TMEM119: variants seen among roughly 807,000 people sequenced by gnomAD.
The protein encoded by TMEM119 is transmembrane protein 119, also known as osteoblast induction factor.
For missense variants in TMEM119, 410 were observed against 381.0 expected (o/e 1.08, Z -0.63); for synonymous variants, 182 against 176.4 (o/e 1.03, Z -0.25).
Position 108,591,921 on chromosome 12 carries a change from C to T in TMEM119, c.463G>A (p.Asp155Asn), listed in dbSNP as rs572995428. ...GGPRAFSEVPDRAPDSRPEEA... is the reference protein window; with the variant it reads ...GGPRAFSEVPNRAPDSRPEEA... ...TCGGGCCTGCTGTCGGGGGCTCTGTCGGGGACCTCACTGAAGGCCCGGGGG... is the reference window on the plus strand; with the variant it reads ...TCGGGCCTGCTGTCGGGGGCTCTGTTGGGGACCTCACTGAAGGCCCGGGGG... The change falls in exon 2 of 2, where the codon GAC becomes AAC. Residue 155 changes from aspartate (D) to asparagine (N), a missense_variant. Coordinates refer to ENST00000392806, the MANE Select transcript of TMEM119 (RefSeq NM_181724.3). The surrounding 1 kb of genome is among the most constrained non-coding windows in gnomAD (Gnocchi z 4.2). 8.1e-6 allele frequency: 13 copies of T among 1,613,226 alleles called. No individual in the cohort carries two copies. The highest frequency in any genetic ancestry group is 4.4e-5 in the South Asian group (4 of 91,060).
intron 1 of TMEM119, among the ~76,000 whole-genome samples, chr12:108,593,957 T>C (rs1221653284): frequency 6.6e-6 from 1 of 152,090 alleles, no homozygotes; most frequent in Non-Finnish European, 1.5e-5. Flanking sequence ...AGAAAAGCCT[T>C]AGGATCTCCT....
chr12:108,592,079 C>G lies in TMEM119; in HGVS notation c.305G>C (p.Gly102Ala). ...RQYVMLIAVV[G>A]SLAFLLMFIV... ...GAACATCAGCAGAAAGGCCAGGGAG[C>G]CCACCACAGCAATCAGCATCACGTA... Residue 102 changes from glycine to alanine, a missense_variant, in exon 2 of 2, where the codon GGC (glycine) becomes GCC (alanine). Gly to Ala is a moderately conservative substitution (Grantham distance 60). Coordinates refer to ENST00000392806, the MANE Select transcript of TMEM119 (RefSeq NM_181724.3). The surrounding 1 kb of genome is among the most constrained non-coding windows in gnomAD (Gnocchi z 4.3). 1 of 1,614,148 alleles carries G rather than the reference C, an allele frequency of 6.2e-7. No individual in the cohort carries two copies. The highest frequency in any genetic ancestry group is 8.5e-7 in the Non-Finnish European group (1 of 1,180,008).
At position 108,592,311 on chromosome 12, in the gene TMEM119, C is replaced by G. The variant is rs539667542; in HGVS notation, c.73G>C (p.Ala25Pro). The change falls in exon 2 of 2, where the codon GCC becomes CCC. Residue 25 changes from alanine (A) to proline (P), a missense_variant. Transcript: ENST00000392806. This position sits in a 1 kb window ranked among gnomAD's most constrained non-coding sequence, Gnocchi z 4.3. Reference sequence around the variant, plus strand: ...GTGGCCTTCAGGGGCACAGAGCGGGCGTCGGTAGCAGGCACAGACCCCAGG... The same window carrying G: ...GTGGCCTTCAGGGGCACAGAGCGGGGGTCGGTAGCAGGCACAGACCCCAGG... ...LLLGSVPATD[A>P]RSVPLKATFL... 6.2e-7 allele frequency: 1 copy of G among 1,601,502 alleles called. No homozygotes were observed. Among genetic ancestry groups the G allele is most frequent in the Non-Finnish European group, 8.5e-7 (1 of 1,177,648 alleles).
At chr12:108,595,772 G>A (rs992572937) in intron 1 of TMEM119, among the ~76,000 whole-genome samples, 5 of 152,130 alleles carry the variant, frequency 3.3e-5, no homozygotes, top group African/African-American at 1.2e-4. Flanking sequence ...AATGAGGAAA[G>A]GACCCCCTCA....
In TMEM119 at chr12:108,594,944, G is replaced by A. The variant is rs147569414; in HGVS notation, c.-14-2547C>T. ...AAAAAAGAGACAAAGCTTCTCAGGG[G>A]CTCATTTTAAATGAGCTGGTCACCT... On this transcript the variant is annotated intron_variant, in intron 1 of 1. Coordinates refer to ENST00000392806, the MANE Select transcript of TMEM119 (RefSeq NM_181724.3). Among the ~76,000 whole-genome samples the A allele has an allele frequency of 6.7e-3, 1,013 of 152,150 alleles. 14 individuals carry two copies. Among genetic ancestry groups the A allele is most frequent in the African/African-American group, 0.023 (970 of 41,490 alleles).
chr12:108,591,835 G>C lies in TMEM119; in HGVS notation c.549C>G (p.Leu183=), dbSNP rs371011315. ...CCAGTGCAGCCCTGGTGGGGGACTT[G>C]AGGTTCTGGGTGGCGGCCAAGATGT... ...QADILAATQN[L]KSPTRAALGG... The change falls in exon 2 of 2, where the codon CTC becomes CTG. Residue 183 remains leucine (L), a synonymous_variant. Transcript: ENST00000392806. This position sits in a 1 kb window ranked among gnomAD's most constrained non-coding sequence, Gnocchi z 4.2. The C allele has an allele frequency of 3.1e-6, 5 of 1,601,698 alleles. No homozygotes were observed. In the African/African-American group the frequency reaches 5.4e-5, roughly 17 times the overall value.
chr12:108,591,852 C>T lies in TMEM119; in HGVS notation c.532G>A (p.Ala178Thr). The change falls in exon 2 of 2, where the codon GCC (alanine) becomes ACC (threonine). Residue 178 changes from alanine to threonine, a missense_variant. Physicochemically the swap from Ala to Thr is moderately conservative, Grantham distance 58 (BLOSUM62 0). Coordinates refer to ENST00000392806, the MANE Select transcript of TMEM119 (RefSeq NM_181724.3). The surrounding 1 kb of genome is among the most constrained non-coding windows in gnomAD (Gnocchi z 4.2). ...GGGGACTTGAGGTTCTGGGTGGCGGCCAAGATGTCGGCCTGGAGCTGCCGG... is the reference window on the plus strand; with the variant it reads ...GGGGACTTGAGGTTCTGGGTGGCGGTCAAGATGTCGGCCTGGAGCTGCCGG... Reference protein sequence around the residue: ...SSRQLQADILAATQNLKSPTR... With the variant: ...SSRQLQADILTATQNLKSPTR... The T allele has an allele frequency of 3.1e-6, 5 of 1,604,818 alleles. No individual in the cohort carries two copies. The highest frequency in any genetic ancestry group is 3.4e-6 in the Non-Finnish European group (4 of 1,175,938).
chr12:108,593,116 C>A (rs2031447808), intron 1 of TMEM119, among the ~76,000 whole-genome samples: 1 of 152,150 alleles, frequency 6.6e-6, no homozygotes, highest in South Asian at 2.1e-4. Flanking sequence ...TTTCTCAAAC[C>A]TTCCGCCAGC....
Position 108,592,188 on chromosome 12 carries a change from A to T in TMEM119, c.196T>A (p.Ser66Thr). The T allele has an allele frequency of 6.2e-7, 1 of 1,613,470 alleles. No homozygotes were observed. Among genetic ancestry groups the T allele is most frequent in the Non-Finnish European group, 8.5e-7 (1 of 1,179,784 alleles). The change falls in exon 2 of 2, where the codon TCG (serine) becomes ACG (threonine). Residue 66 changes from serine to threonine, a missense_variant. Coordinates refer to ENST00000392806, the MANE Select transcript of TMEM119 (RefSeq NM_181724.3). The surrounding 1 kb of genome is among the most constrained non-coding windows in gnomAD (Gnocchi z 4.3). ...PPWTPALSPT[S>T]MGPQPITLGG... ...AGGGTTATGGGCTGGGGCCCCATCGATGTGGGGCTGAGGGCCGGGGTCCAG... is the reference window on the plus strand; with the variant it reads ...AGGGTTATGGGCTGGGGCCCCATCGTTGTGGGGCTGAGGGCCGGGGTCCAG...
rs777236102 is a variant in TMEM119 at position 108,591,674 on chromosome 12, G to A, written c.710C>T (p.Ser237Leu). 4.3e-6 allele frequency: 7 copies of A among 1,613,812 alleles called. No homozygotes were observed. The East Asian group carries it at 1.3e-4, about 31-fold the overall frequency. ...ETPEAQEEPC[S>L]GVLEGAVVAG... Reference sequence around the variant, plus strand: ...CACCACAGCCCCCTCAAGGACCCCTGAGCACGGCTCCTCCTGCGCCTCTGG... The same window carrying A: ...CACCACAGCCCCCTCAAGGACCCCTAAGCACGGCTCCTCCTGCGCCTCTGG... Residue 237 changes from serine to leucine, a missense_variant, in exon 2 of 2, where the codon TCA becomes TTA. Coordinates refer to ENST00000392806, the MANE Select transcript of TMEM119 (RefSeq NM_181724.3). The surrounding 1 kb of genome is among the most constrained non-coding windows in gnomAD (Gnocchi z 4.2).
chr12:108,595,312 C>CCA (rs371159772), intron 1 of TMEM119, among the ~76,000 whole-genome samples: 43 of 149,122 alleles, frequency 2.9e-4, no homozygotes, highest in African/African-American at 7.2e-4. Context: ...TGCACACACG[C>CCA]CACACACACA....
At chr12:108,597,055 C>T (rs1374850626) in intron 1 of TMEM119, among the ~76,000 whole-genome samples, 1 of 152,194 alleles carries the variant, frequency 6.6e-6, no homozygotes, top group Admixed American at 6.5e-5. Context: ...GGACAAGATG[C>T]GGCCATGCCT....
intron 1 of TMEM119, among the ~76,000 whole-genome samples, chr12:108,596,515 G>A (rs2031507268): frequency 6.6e-6 from 1 of 152,128 alleles, no homozygotes. Context: ...TTAAGGCTGA[G>A]ACCCTGACTC....
At chr12:108,593,206 G>C (rs1483963475) in intron 1 of TMEM119, among the ~76,000 whole-genome samples, 2 of 152,172 alleles carry the variant, frequency 1.3e-5, no homozygotes, top group Non-Finnish European at 2.9e-5. Context: ...CACTTTGGGA[G>C]GCCGAGGTGG....
intron 1 of TMEM119, among the ~76,000 whole-genome samples, chr12:108,593,635 G>A (rs1037494353): frequency 6.6e-6 from 1 of 152,104 alleles, no homozygotes; most frequent in Non-Finnish European, 1.5e-5. Context: ...CTGAGCTGCC[G>A]ATGCGCCCCG....
intron 1 of TMEM119, chr12:108,594,671 G>A (rs1302752304): frequency 1.3e-5 from 2 of 152,092 alleles, no homozygotes; most frequent in Non-Finnish European, 2.9e-5. Context: ...GCCAGGTGTG[G>A]TGGCTCACAC....
At position 108,592,244 on chromosome 12, in the gene TMEM119, G is replaced by A. The variant is rs546679439; in HGVS notation, c.140C>T (p.Ser47Leu). ...DVAGSGEAEG[S>L]SASSPSLPPP... ...CGGGAGGCTCGGGGAGGAGGCCGAC[G>A]AGCCCTCGGCCTCCCCACTACCCGC... The change falls in exon 2 of 2, where the codon TCG (serine) becomes TTG (leucine). Residue 47 changes from serine to leucine, a missense_variant. Coordinates refer to ENST00000392806, the MANE Select transcript of TMEM119 (RefSeq NM_181724.3). The surrounding 1 kb of genome is among the most constrained non-coding windows in gnomAD (Gnocchi z 4.3). The A allele has an allele frequency of 8.4e-5, 134 of 1,602,694 alleles. No homozygotes were observed. The highest frequency in any genetic ancestry group is 1.1e-4 in the Non-Finnish European group (124 of 1,176,800).
At position 108,592,073 on chromosome 12, in the gene TMEM119, A is replaced by G; in HGVS notation, c.311T>C (p.Leu104Pro). 6.2e-7 allele frequency: 1 copy of G among 1,614,166 alleles called. No individual in the cohort carries two copies. Among genetic ancestry groups the G allele is most frequent in the Non-Finnish European group, 8.5e-7 (1 of 1,180,016 alleles). The change falls in exon 2 of 2, where the codon CTG becomes CCG. Residue 104 changes from leucine to proline, a missense_variant. Transcript: ENST00000392806. This position sits in a 1 kb window ranked among gnomAD's most constrained non-coding sequence, Gnocchi z 4.3. ...GACGATGAACATCAGCAGAAAGGCCAGGGAGCCCACCACAGCAATCAGCAT... is the reference window on the plus strand; with the variant it reads ...GACGATGAACATCAGCAGAAAGGCCGGGGAGCCCACCACAGCAATCAGCAT... ...YVMLIAVVGS[L>P]AFLLMFIVCA...
In TMEM119 at chr12:108,592,362, T is replaced by G. The variant is rs2031427811; in HGVS notation, c.22A>C (p.Ser8Arg). ...AGCAGCAACAGAAGGATGAGGAGGC[T>G]GGGGGCTGCCGCCGAAACCATGGTG... MVSAAAP[S>R]LLILLLLLLG... The change falls in exon 2 of 2, where the codon AGC becomes CGC. Residue 8 changes from serine (S) to arginine (R), a missense_variant. By Grantham distance (110) the Ser-to-Arg change is moderately radical. Transcript: ENST00000392806. The surrounding 1 kb of genome is among the most constrained non-coding windows in gnomAD (Gnocchi z 4.3). 6.4e-7 allele frequency: 1 copy of G among 1,566,194 alleles called. No individual in the cohort carries two copies. Among genetic ancestry groups the G allele is most frequent in the South Asian group, 1.1e-5 (1 of 86,990 alleles).
Sources: allele counts gnomAD v4.1 joint callset (sites outside exome capture counted in the v4.1 genomes callset), GRCh38; gene constraint gnomAD v4.1.1; non-coding constraint Gnocchi (gnomAD v3.1); transcripts MANE v1.5; gene names NCBI Gene and HGNC (gene_info 2026-07-23, HGNC 2026-07-21).